PCDHA7: variants seen among roughly 807,000 people sequenced by gnomAD.
PCDHA7 encodes protocadherin alpha 7.
A neutral mutation model predicts 57.2 loss-of-function variants in PCDHA7; 37 were observed. The observed-to-expected ratio is 0.65, with a 90% CI of 0.50 to 0.85. The LOEUF (loss-of-function observed/expected upper bound fraction) is 0.85, where lower values mean the gene tolerates loss of function less well. PCDHA7 is among the 40% of genes least tolerant of loss of function. The pLI, the probability that PCDHA7 is intolerant of heterozygous loss-of-function variation, is 0.00. For missense variants in PCDHA7, 1,188 were observed against 1,241.8 expected (o/e 0.96, Z 0.65); for synonymous variants, 553 against 558.8 (o/e 0.99, Z 0.15).
At chr5:140,843,610 G>A (rs1554140251) in intron 1 of PCDHA7, 2 of 1,595,980 alleles carry the variant, frequency 1.3e-6, no homozygotes, top group South Asian at 1.1e-5. Context: ...CTGGTGAGGG[G>A]CCACCGAAGA....
chr5:140,939,812 A>T (rs1277082652), intron 1 of PCDHA7, among the ~76,000 whole-genome samples: 4 of 152,196 alleles, frequency 2.6e-5, no homozygotes, highest in Non-Finnish European at 2.9e-5. Flanking sequence ...ATGTTCAAGA[A>T]AAAGCAGTAT....
At chr5:140,877,959 T>C in intron 1 of PCDHA7, 2 of 1,325,332 alleles carry the variant, frequency 1.5e-6, no homozygotes, top group South Asian at 3.5e-5. Flanking sequence ...ATGTCTCATC[T>C]TTCTTGGTCA....
intron 1 of PCDHA7, chr5:140,877,134 C>T (rs1339173132): frequency 1.4e-5 from 22 of 1,613,594 alleles, no homozygotes; most frequent in Non-Finnish European, 1.8e-5. Flanking sequence ...TGCAGGTGTT[C>T]GTGCTGGACG....
intron 1 of PCDHA7, chr5:140,850,230 G>T (rs2150474720): frequency 6.3e-7 from 1 of 1,594,052 alleles, no homozygotes; most frequent in South Asian, 1.1e-5. Flanking sequence ...CGCAGTGAGC[G>T]AGATGGTGCT....
At chr5:140,928,830 TTCC>T in intron 1 of PCDHA7, 1 of 1,614,124 alleles carries the variant, frequency 6.2e-7, no homozygotes, top group Non-Finnish European at 8.5e-7. Flanking sequence ...ACCCACCACT[TTCC>T]TCCTCTGTCA....
In PCDHA7 at chr5:140,903,111, A is replaced by G. The variant is rs1002837275; in HGVS notation, c.2355+66373A>G. ...CATTGCTGGATCAAATAATAGCTCT[A>G]CTTCTAAATCTTTAAGAAATCTCCA... On this transcript the variant is annotated intron_variant, in intron 1 of 3. Transcript: ENST00000525929. Among the ~76,000 whole-genome samples, 13 of 152,306 alleles carry G rather than the reference A, an allele frequency of 8.5e-5. No individual in the cohort carries two copies. In the East Asian group the frequency reaches 2.5e-3, roughly 29 times the overall value.
At chr5:140,968,776 A>C in intron 1 of PCDHA7, 1 of 1,614,200 alleles carries the variant, frequency 6.2e-7, no homozygotes, top group Non-Finnish European at 8.5e-7. Flanking sequence ...AGCCATCACT[A>C]TCAGCCTCTG....
chr5:140,869,511 A>G, intron 1 of PCDHA7: 1 of 1,614,194 alleles, frequency 6.2e-7, no homozygotes, highest in Non-Finnish European at 8.5e-7. Context: ...TCTCGCTCAG[A>G]GAACAAAAGC....
chr5:140,837,515 A>C (rs1170524958), intron 1 of PCDHA7, among the ~76,000 whole-genome samples: 2 of 96,498 alleles, frequency 2.1e-5, no homozygotes, highest in African/African-American at 1.1e-4. Context: ...GAAGCAGTTT[A>C]CTTTTTTTGT....
At chr5:140,844,210 G>A (rs2150369516) in intron 1 of PCDHA7, among the ~76,000 whole-genome samples, 22 of 149,554 alleles carry the variant, frequency 1.5e-4, no homozygotes, top group African/African-American at 5.4e-4. Context: ...GTGTCTGGTA[G>A]TCACAAATAT....
intron 1 of PCDHA7, chr5:140,871,109 T>C: frequency 1.9e-6 from 3 of 1,613,236 alleles, no homozygotes; most frequent in Non-Finnish European, 2.5e-6. Context: ...GTGTCGTTGG[T>C]GGAGAGCGGA....
intron 3 of PCDHA7, among the ~76,000 whole-genome samples, chr5:140,999,721 G>T (rs2097872214): frequency 6.6e-6 from 1 of 152,150 alleles, no homozygotes; most frequent in South Asian, 2.1e-4. Flanking sequence ...ACGGAGACCA[G>T]CCATTCCAAT....
chr5:140,882,932 C>G (rs946510478), intron 1 of PCDHA7: 1 of 1,614,196 alleles, frequency 6.2e-7, no homozygotes, highest in Admixed American at 1.7e-5. Flanking sequence ...TAAACCCGAG[C>G]TGACTGGCAC....
At chr5:141,003,936 C>T (rs934368361) in intron 3 of PCDHA7, among the ~76,000 whole-genome samples, 41 of 152,122 alleles carry the variant, frequency 2.7e-4, no homozygotes, top group African/African-American at 9.9e-4. Context: ...TTGTCTTTGC[C>T]TGAGGGTGAG....
chr5:140,869,091 A>C, intron 1 of PCDHA7: 1 of 1,591,040 alleles, frequency 6.3e-7, no homozygotes, highest in Non-Finnish European at 8.6e-7. Context: ...TTTGGAAGCC[A>C]ATTTCGTATG....
intron 1 of PCDHA7, chr5:140,876,996 G>T (rs1554169201): frequency 1.2e-6 from 2 of 1,612,618 alleles, no homozygotes; most frequent in East Asian, 2.2e-5. Context: ...CGAGCTACGT[G>T]TCGGTGCACG....
At chr5:140,879,268 A>G (rs1289844412) in intron 1 of PCDHA7, among the ~76,000 whole-genome samples, 1 of 152,268 alleles carries the variant, frequency 6.6e-6, no homozygotes, top group East Asian at 1.9e-4. Flanking sequence ...CCAGATAATG[A>G]CAGACTCAAT....
In PCDHA7 at chr5:140,857,222, G is replaced by T. The variant is rs373834853; in HGVS notation, c.2355+20484G>T. ...GGTCACCTGCTCTCTGACGCCTCAC[G>T]TTCCGTTCAAGCTGGTGTCCACCTA... On this transcript the variant is annotated intron_variant, in intron 1 of 3. Coordinates refer to ENST00000525929, the MANE Select transcript of PCDHA7 (RefSeq NM_018910.3). 4 of 1,598,456 alleles carry T rather than the reference G, an allele frequency of 2.5e-6. No individual in the cohort carries two copies. Among genetic ancestry groups the T allele is most frequent in the African/African-American group, 2.7e-5 (2 of 74,394 alleles).
intron 1 of PCDHA7, among the ~76,000 whole-genome samples, chr5:140,839,735 C>G (rs2093051778): frequency 6.6e-6 from 1 of 151,912 alleles, no homozygotes; most frequent in Admixed American, 6.6e-5. Context: ...ACAGAAAATA[C>G]CCTTATTTGC....
Sources: allele counts gnomAD v4.1 joint callset (sites outside exome capture counted in the v4.1 genomes callset), GRCh38; gene constraint gnomAD v4.1.1; transcripts MANE v1.5; gene names NCBI Gene and HGNC (gene_info 2026-07-23, HGNC 2026-07-21).